PIDD1: variants seen among roughly 807,000 people sequenced by gnomAD.
PIDD1 encodes the protein p53-induced death domain protein 1.
A neutral mutation model predicts 80.0 loss-of-function variants in PIDD1; 72 were observed. The ratio of observed to expected loss-of-function variants is 0.90; its 90% CI spans 0.74 to 1.09. PIDD1 has a LOEUF of 1.09. Ranked by LOEUF, PIDD1 falls within the 50% of genes least tolerant of loss-of-function variation. The pLI, the probability that PIDD1 is intolerant of heterozygous loss-of-function variation, is 0.00. For synonymous variants in PIDD1, 655 were observed against 543.5 expected (o/e 1.21, Z -2.85); for missense variants, 1,329 against 1,228.3 (o/e 1.08, Z -1.23).
chr11:804,518 G>T, intron 1 of PIDD1, 55 bp from the exon 2 acceptor site: 1 of 1,429,830 alleles, frequency 7.0e-7, no homozygotes, highest in Non-Finnish European at 9.1e-7. Context: ...TTCTCTTTGG[G>T]GAAACAGGGA....
chr11:806,825 C>T (rs1378688716), upstream of PIDD1, among the ~76,000 whole-genome samples: 2 of 152,156 alleles, frequency 1.3e-5, no homozygotes, highest in African/African-American at 4.8e-5. Context: ...CCTCGTGATC[C>T]ACCCGCCTCG....
chr11:804,547 G>A (rs905017348), intron 1 of PIDD1, 84 bp from the exon 2 acceptor site: 1 of 1,355,400 alleles, frequency 7.4e-7, no homozygotes, highest in South Asian at 1.6e-5. Flanking sequence ...GGAGTGGGGA[G>A]CTCTAGAGCC....
At position 799,559 on chromosome 11, in the gene PIDD1, A is replaced by G. The variant is rs1865049109; in HGVS notation, c.2481T>C (p.Asp827=). ...GCATGTGACGGATCTGCTCATCCAG[A>G]TCATCCCTGCAGGCAGAGGATGGGC... The part of the protein sequence containing the change: ...VQRIRHEFRD[D]LDEQIRHMLF... Residue 827 remains aspartate, a synonymous_variant, in exon 16 of 16, where the codon GAT becomes GAC. Coordinates refer to ENST00000347755, the MANE Select transcript of PIDD1 (RefSeq NM_145886.4). 5 of 1,596,698 alleles carry G rather than the reference A, an allele frequency of 3.1e-6. No homozygotes were observed. Among genetic ancestry groups the G allele is most frequent in the Non-Finnish European group, 4.3e-6 (5 of 1,176,156 alleles).
In PIDD1 at chr11:799,832, GCGCTGCACCTC is replaced by G. The variant is rs777043913; in HGVS notation, c.2446_2456del (p.Glu816HisfsTer8). 1 of 1,596,556 alleles carries G rather than the reference GCGCTGCACCTC, an allele frequency of 6.3e-7. No homozygotes were observed. Among genetic ancestry groups the G allele is most frequent in the Admixed American group, 1.7e-5 (1 of 58,364 alleles). ...AGCCTCACCGGAACTCGTGCCGGAT[GCGCTGCACCTC>G]CCGGTAGGACACCCCCAGGTGCAGG... On this transcript the variant is annotated frameshift_variant, in exon 15 of 16. Transcript: ENST00000347755. LOFTEE classifies it low-confidence loss of function (END_TRUNC).
upstream of PIDD1, chr11:805,325 G>C (rs1290014502): frequency 2.0e-5 from 13 of 642,434 alleles, no homozygotes; most frequent in African/African-American, 3.9e-5. Flanking sequence ...CGCCGGGCTG[G>C]GGTCCACGGG....
Position 804,473 on chromosome 11 carries a change from C to G in PIDD1, c.-75-10G>C. ...GCAGCGCCCGGGGAAGCTGCAGAGG[C>G]AGGAGGAGGAGTGAGCGGGAGCCGG... On this transcript the variant is annotated splice_polypyrimidine_tract_variant and intron_variant, in intron 1 of 15. Coordinates refer to ENST00000347755, the MANE Select transcript of PIDD1 (RefSeq NM_145886.4). The G allele has an allele frequency of 6.7e-7, 1 of 1,493,064 alleles. No individual in the cohort carries two copies. The highest frequency in any genetic ancestry group is 8.9e-7 in the Non-Finnish European group (1 of 1,128,064). 92.5% of individuals were successfully genotyped at this position (1,493,064 alleles called of 1,614,324 possible).
chr11:804,006 C>T, intron 2 of PIDD1, 88 bp downstream of exon 2: 1 of 1,420,948 alleles, frequency 7.0e-7, no homozygotes, highest in East Asian at 2.4e-5. Flanking sequence ...GGAGCTGGGG[C>T]TGGGACTGGG....
upstream of PIDD1, among the ~76,000 whole-genome samples, chr11:806,999 C>T (rs368417536): frequency 9.8e-5 from 15 of 152,294 alleles, no homozygotes; most frequent in South Asian, 1.0e-3. Flanking sequence ...CAAGCCCAGT[C>T]TGGCCAATAT....
At chr11:802,657 C>G (rs1235876327) in intron 4 of PIDD1, 25 bp downstream of exon 4, 1 of 1,606,900 alleles carries the variant, frequency 6.2e-7, no homozygotes, top group African/African-American at 1.3e-5. Flanking sequence ...TATCCCAGGT[C>G]TGCCCCTTCT....
chr11:801,358 C>A lies in PIDD1; in HGVS notation c.1490G>T (p.Arg497Leu). Residue 497 changes from arginine to leucine, a missense_variant, in exon 9 of 16, where the codon CGC becomes CTC. Transcript: ENST00000347755. The part of the protein sequence containing the change: ...EPRRVSMQVV[R>L]MAGRELQALL... ...GGCCTGCAGCTCTCGGCCAGCCATGCGCACCACCTGGGGCAGACAGGCCCC... is the reference window on the plus strand; with the variant it reads ...GGCCTGCAGCTCTCGGCCAGCCATGAGCACCACCTGGGGCAGACAGGCCCC... 1.2e-6 allele frequency: 2 copies of A among 1,608,920 alleles called. No individual in the cohort carries two copies. The highest frequency in any genetic ancestry group is 1.7e-6 in the Non-Finnish European group (2 of 1,178,008).
At chr11:801,798 G>C in intron 7 of PIDD1, 167 bp downstream of exon 7, 1 of 1,014,408 alleles carries the variant, frequency 9.9e-7, no homozygotes, top group South Asian at 1.4e-5. Context: ...CAGGGAAGCA[G>C]GATCCAGGAG....
In PIDD1 at chr11:801,136, G is replaced by C. The variant is rs1865273306; in HGVS notation, c.1631-16C>G. The C allele has an allele frequency of 6.5e-7, 1 of 1,548,244 alleles. No individual in the cohort carries two copies. The highest frequency in any genetic ancestry group is 8.7e-7 in the Non-Finnish European group (1 of 1,143,650). On this transcript the variant is annotated splice_polypyrimidine_tract_variant and intron_variant, in intron 9 of 15. Coordinates refer to ENST00000347755, the MANE Select transcript of PIDD1 (RefSeq NM_145886.4). ...AGACTGAGGCCTGGGGATGGGAGGG[G>C]CAGCGAGCTGAGGCCTCCTGGCCGG...
chr11:802,638 C>T, intron 4 of PIDD1, 41 bp from the exon 5 acceptor site: 1 of 1,606,438 alleles, frequency 6.2e-7, no homozygotes, highest in Non-Finnish European at 8.5e-7. Context: ...AGTGAGGAGA[C>T]TCATGTCCTA....
rs747662869 is a variant in PIDD1 at position 800,460 on chromosome 11, CAG to C, written c.2042-11_2042-10del. ...CACACAGTCAGGGCGGTCTAGGGGA[CAG>C]GGGTGGGCTGAGCAAGGAGGGCTCG... On this transcript the variant is annotated splice_polypyrimidine_tract_variant and intron_variant, in intron 12 of 15. Transcript: ENST00000347755. 2.2e-5 allele frequency: 35 copies of C among 1,611,944 alleles called. 1 individual carries two copies. The highest frequency in any genetic ancestry group is 1.2e-4 in the South Asian group (11 of 91,090).
Position 800,167 on chromosome 11 carries a change from G to C in PIDD1, c.2238C>G (p.Asp746Glu). The C allele has an allele frequency of 6.2e-7, 1 of 1,610,772 alleles. No individual in the cohort carries two copies. Among genetic ancestry groups the C allele is most frequent in the African/African-American group, 1.3e-5 (1 of 75,046 alleles). ...AEAARQRKGA[D>E]ALWMATLPIK... is the part of the protein sequence containing the mutation. Reference sequence around the variant, plus strand: ...TGGGCAGAGTGGCCATCCACAGGGCGTCTGCGCCCTTCCTCTGCCGGGCAG... The same window carrying C: ...TGGGCAGAGTGGCCATCCACAGGGCCTCTGCGCCCTTCCTCTGCCGGGCAG... Residue 746 changes from aspartate (D) to glutamate (E), a missense_variant, in exon 14 of 16, where the codon GAC becomes GAG. Coordinates refer to ENST00000347755, the MANE Select transcript of PIDD1 (RefSeq NM_145886.4).
Position 803,560 on chromosome 11 carries a change from G to A in PIDD1, c.323C>T (p.Ala108Val), listed in dbSNP as rs1225018848. The change falls in exon 3 of 16, where the codon GCC becomes GTC. Residue 108 changes from alanine (A) to valine (V), a missense_variant. Physicochemically the swap from Ala to Val is moderately conservative, Grantham distance 64. Transcript: ENST00000347755. ...GTTGGTCAGGGCACCCCGGAGACAGGCACCCAGTGTGTCCCGGCGTTGCCC... is the reference window on the plus strand; with the variant it reads ...GTTGGTCAGGGCACCCCGGAGACAGACACCCAGTGTGTCCCGGCGTTGCCC... ...KGGQRRDTLG[A>V]CLRGALTNLP... 6.2e-7 allele frequency: 1 copy of A among 1,611,678 alleles called. No individual in the cohort carries two copies. The highest frequency in any genetic ancestry group is 2.2e-5 in the East Asian group (1 of 44,828).
At chr11:808,688 C>T (rs928780551), upstream of PIDD1, among the ~76,000 whole-genome samples, 2 of 152,072 alleles carry the variant, frequency 1.3e-5, no homozygotes, top group Non-Finnish European at 2.9e-5. Flanking sequence ...AGAATGGGGC[C>T]CAGTCTCAAA....
intron 2 of PIDD1, 170 bp from the exon 3 acceptor site, chr11:803,757 G>A (rs1460137001): frequency 4.0e-6 from 3 of 755,874 alleles, no homozygotes; most frequent in Non-Finnish European, 6.3e-6. Context: ...CCCGCAAATG[G>A]AAGGAGGCAG....
At chr11:805,358 G>C (rs944686808), upstream of PIDD1, 24 of 429,812 alleles carry the variant, frequency 5.6e-5, no homozygotes, top group Non-Finnish European at 7.2e-5. Context: ...GCTCCTCCCC[G>C]ACCCGCCTTC....
Sources: allele counts gnomAD v4.1 joint callset (sites outside exome capture counted in the v4.1 genomes callset), GRCh38; gene constraint gnomAD v4.1.1; transcripts MANE v1.5; gene names NCBI Gene and HGNC (gene_info 2026-07-23, HGNC 2026-07-21).